The following ROR1 variants were observed in gnomAD, a reference collection of about 807,000 sequenced individuals.
ROR1 encodes inactive tyrosine-protein kinase transmembrane receptor ROR1.
A neutral mutation model predicts 78.8 loss-of-function variants in ROR1; 19 were observed. The observed-to-expected ratio is 0.24, with a 90% CI of 0.17 to 0.35. The LOEUF is 0.35. ROR1 is among the 10% of genes least tolerant of loss of function. The probability of loss-of-function intolerance (pLI) is 1.00; values close to 1 mark genes in which losing one functional copy is unlikely to be tolerated. For missense variants in ROR1, 917 were observed against 1,177.8 expected, an observed-to-expected ratio of 0.78 and a Z score of 3.24; for synonymous variants, 386 against 433.6, an observed-to-expected ratio of 0.89 and a Z score of 1.36.
intron 8 of ROR1, among the ~76,000 whole-genome samples, chr1:64,175,850 CTAAACTGTTGTTT>C: frequency 6.6e-6 from 1 of 152,170 alleles, no homozygotes. Flanking sequence ...ACCAAATTAT[CTAAACTGTTGTTT>C]TAAACTCTGT....
chr1:63,904,528 C>T (rs1039941410), intron 1 of ROR1, among the ~76,000 whole-genome samples: 1 of 152,192 alleles, frequency 6.6e-6, no homozygotes. Flanking sequence ...CTAACAGCAA[C>T]TTTAAACCAG....
intron 1 of ROR1, chr1:63,843,443 G>A (rs1226594014): frequency 2.7e-6 from 2 of 739,160 alleles, no homozygotes; most frequent in Non-Finnish European, 4.9e-6. Flanking sequence ...CACAGAGGGT[G>A]TAGTGGCAGT....
At chr1:64,050,109 C>A in intron 3 of ROR1, 131 bp downstream of exon 3, 1 of 1,024,956 alleles carries the variant, frequency 9.8e-7, no homozygotes, top group Non-Finnish European at 1.4e-6. Context: ...AACCCTAAAC[C>A]TGGTATGGTT....
At chr1:63,874,444 C>T (rs1262366017) in intron 1 of ROR1, among the ~76,000 whole-genome samples, 2 of 152,040 alleles carry the variant, frequency 1.3e-5, no homozygotes, top group Non-Finnish European at 2.9e-5. Flanking sequence ...ATAGCATCTG[C>T]TTATTAGCAA....
At chr1:64,104,777 C>T (rs185934517) in intron 4 of ROR1, among the ~76,000 whole-genome samples, 264 of 152,306 alleles carry the variant, frequency 1.7e-3, no homozygotes, top group South Asian at 2.9e-3. Context: ...CATGACCCTG[C>T]AAAGGGCATG....
At chr1:64,118,680 C>G (rs1408648966) in intron 4 of ROR1, among the ~76,000 whole-genome samples, 3 of 148,240 alleles carry the variant, frequency 2.0e-5, no homozygotes, top group Non-Finnish European at 3.0e-5. Flanking sequence ...TGGACCTGAT[C>G]CTAATGCTCG....
chr1:63,972,318 G>A (rs1196330296), intron 1 of ROR1, among the ~76,000 whole-genome samples: 4 of 152,046 alleles, frequency 2.6e-5, no homozygotes, highest in African/African-American at 7.2e-5. Context: ...GAGAGGTTAC[G>A]TGATTTGCCT....
At chr1:63,792,191 A>T (rs1371796503) in intron 1 of ROR1, among the ~76,000 whole-genome samples, 1 of 152,108 alleles carries the variant, frequency 6.6e-6, no homozygotes, top group Admixed American at 6.5e-5. Flanking sequence ...TGTCTGAGGG[A>T]GGAGCAGTGA....
chr1:63,990,995 T>C (rs1251835162), intron 1 of ROR1, among the ~76,000 whole-genome samples: 1 of 152,242 alleles, frequency 6.6e-6, no homozygotes, highest in Non-Finnish European at 1.5e-5. Context: ...AACAGCTCAC[T>C]ATAACCTTGA....
intron 4 of ROR1, among the ~76,000 whole-genome samples, chr1:64,133,922 G>A (rs1400794151): frequency 6.6e-6 from 1 of 152,178 alleles, no homozygotes; most frequent in Non-Finnish European, 1.5e-5. Context: ...GCCAAAGCCA[G>A]TGGGGAAAAA....
At chr1:63,803,748 GA>G (rs1183380169) in intron 1 of ROR1, among the ~76,000 whole-genome samples, 1 of 152,236 alleles carries the variant, frequency 6.6e-6, no homozygotes, top group Non-Finnish European at 1.5e-5. Context: ...GCCTTTACAG[GA>G]TTGTTCATGG....
At chr1:64,111,515 C>A (rs930965974) in intron 4 of ROR1, 4 of 152,210 alleles carry the variant, frequency 2.6e-5, no homozygotes, top group African/African-American at 4.8e-5. Flanking sequence ...TTCTTAAGAA[C>A]CCTCAGGAGC....
At chr1:64,000,817 A>G (rs947657253) in intron 1 of ROR1, among the ~76,000 whole-genome samples, 3 of 152,144 alleles carry the variant, frequency 2.0e-5, no homozygotes, top group African/African-American at 7.2e-5. Flanking sequence ...GGGAATATGT[A>G]TTCTTCCTCA....
intron 1 of ROR1, among the ~76,000 whole-genome samples, chr1:63,977,198 G>T (rs1646168806): frequency 6.6e-6 from 1 of 152,124 alleles, no homozygotes; most frequent in Non-Finnish European, 1.5e-5. Context: ...GACACATGGG[G>T]AATTATGGGA....
intron 1 of ROR1, among the ~76,000 whole-genome samples, chr1:63,966,131 A>G (rs1413726546): frequency 6.6e-6 from 1 of 152,176 alleles, no homozygotes; most frequent in African/African-American, 2.4e-5. Flanking sequence ...TTTATGTTCT[A>G]TCATGTAATT....
intron 1 of ROR1, among the ~76,000 whole-genome samples, chr1:63,868,154 T>G (rs978233337): frequency 1.3e-5 from 2 of 152,104 alleles, no homozygotes; most frequent in Admixed American, 1.3e-4. Context: ...TGTTGTTTTG[T>G]TTTTTTGTTT....
intron 4 of ROR1, among the ~76,000 whole-genome samples, chr1:64,084,563 C>G (rs182359861): frequency 6.6e-6 from 1 of 152,182 alleles, no homozygotes; most frequent in Non-Finnish European, 1.5e-5. Flanking sequence ...ATGACAAAAT[C>G]CATGGCATTT....
intron 2 of ROR1, among the ~76,000 whole-genome samples, chr1:64,046,538 T>C (rs1213587857): frequency 6.6e-6 from 1 of 152,188 alleles, no homozygotes; most frequent in Admixed American, 6.5e-5. Context: ...ATAGAGCAGA[T>C]CAGGTGAGGT....
intron 4 of ROR1, among the ~76,000 whole-genome samples, chr1:64,071,650 G>A (rs957599409): frequency 4.0e-5 from 6 of 151,426 alleles, no homozygotes; most frequent in African/African-American, 1.5e-4. Flanking sequence ...GTATTTATGG[G>A]TTTCATCCTC....
Sources: allele counts gnomAD v4.1 joint callset (sites outside exome capture counted in the v4.1 genomes callset), GRCh38; gene constraint gnomAD v4.1.1; transcripts MANE v1.5; gene names NCBI Gene and HGNC (gene_info 2026-07-23, HGNC 2026-07-21).